Variants in PATJ observed in about 807,000 individuals in gnomAD.
PATJ encodes the protein inaD-like protein.
A neutral mutation model predicts 224.9 loss-of-function variants in PATJ; 190 were observed. That is an observed-to-expected ratio of 0.84 (90% confidence interval 0.75 to 0.95). The LOEUF is 0.95. Among genes scored for constraint, PATJ ranks in the 40% least tolerant of loss-of-function variants. The pLI is 0.00. For synonymous variants in PATJ, 769 were observed against 820.3 expected, an observed-to-expected ratio of 0.94 and a Z score of 1.07; for missense variants, 2,121 against 2,270.3, an observed-to-expected ratio of 0.93 and a Z score of 1.34.
At chr1:61,916,299 C>CAT (rs1553202693) in intron 26 of PATJ, among the ~76,000 whole-genome samples, 8 of 151,752 alleles carry the variant, frequency 5.3e-5, no homozygotes, top group Non-Finnish European at 7.4e-5. Context: ...GTGTCTGCTC[C>CAT]ATATATATAT....
At chr1:62,089,325 C>A (rs981761437) in intron 33 of PATJ, among the ~76,000 whole-genome samples, 6 of 151,084 alleles carry the variant, frequency 4.0e-5, no homozygotes, top group Admixed American at 6.6e-5. Flanking sequence ...TCACTTCCTG[C>A]AAGGAATGTG....
At chr1:62,139,100 T>A (rs1244445924) in intron 41 of PATJ, among the ~76,000 whole-genome samples, 1 of 152,030 alleles carries the variant, frequency 6.6e-6, no homozygotes, top group African/African-American at 2.4e-5. Context: ...TAAGATTTAC[T>A]TTTAAAAAAG....
intron 27 of PATJ, among the ~76,000 whole-genome samples, chr1:61,971,049 A>C (rs988819052): frequency 6.6e-6 from 1 of 152,320 alleles, no homozygotes; most frequent in East Asian, 1.9e-4. Flanking sequence ...AGAGCATGAC[A>C]GTTTTTAAAG....
At chr1:61,916,114 T>C (rs900180298) in intron 26 of PATJ, among the ~76,000 whole-genome samples, 3 of 152,182 alleles carry the variant, frequency 2.0e-5, no homozygotes, top group Non-Finnish European at 4.4e-5. Flanking sequence ...AGACATAAAA[T>C]TGACTTTTAT....
At chr1:61,789,409 C>T (rs1469679269) in intron 8 of PATJ, among the ~76,000 whole-genome samples, 1 of 152,124 alleles carries the variant, frequency 6.6e-6, no homozygotes, top group African/African-American at 2.4e-5. Context: ...TGGAAGGCCA[C>T]TGATTATCAT....
chr1:62,046,069 G>C (rs1652488406), intron 30 of PATJ, among the ~76,000 whole-genome samples: 4 of 152,088 alleles, frequency 2.6e-5, no homozygotes, highest in Non-Finnish European at 2.9e-5. Context: ...AGGCATGGTG[G>C]TGCATGCATG....
At chr1:62,033,869 C>T (rs985101592) in intron 29 of PATJ, among the ~76,000 whole-genome samples, 1 of 152,138 alleles carries the variant, frequency 6.6e-6, no homozygotes, top group Non-Finnish European at 1.5e-5. Flanking sequence ...ACACTACAAG[C>T]TGGAGATACG....
At chr1:61,817,486 A>T (rs778869506) in intron 14 of PATJ, among the ~76,000 whole-genome samples, 1 of 152,148 alleles carries the variant, frequency 6.6e-6, no homozygotes, top group Non-Finnish European at 1.5e-5. Context: ...CAACATGATG[A>T]AACCCCATCT....
chr1:61,845,219 T>A (rs1661743252), intron 17 of PATJ, among the ~76,000 whole-genome samples: 1 of 152,174 alleles, frequency 6.6e-6, no homozygotes, highest in Admixed American at 6.5e-5. Flanking sequence ...AGGCTGTAGG[T>A]CCTGTAATCA....
At chr1:62,090,170 A>G (rs1206637253) in intron 33 of PATJ, among the ~76,000 whole-genome samples, 3 of 152,148 alleles carry the variant, frequency 2.0e-5, no homozygotes, top group Non-Finnish European at 4.4e-5. Context: ...ATGCCGAGGT[A>G]ATGATGAGGG....
intron 28 of PATJ, among the ~76,000 whole-genome samples, chr1:61,997,105 T>C (rs980058496): frequency 1.3e-5 from 2 of 152,190 alleles, no homozygotes; most frequent in Non-Finnish European, 2.9e-5. Context: ...ATTGTAGCTA[T>C]GGTTTCACTA....
At position 61,823,036 on chromosome 1, in the gene PATJ, T is replaced by C. The variant is rs1324184044; in HGVS notation, c.1775T>C (p.Val592Ala). The change falls in exon 15 of 44, where the codon GTT becomes GCT. Residue 592 changes from valine to alanine, a missense_variant. Coordinates refer to ENST00000642238, the MANE Select transcript of PATJ (RefSeq NM_001350145.3). ...YISSIVSGGP[V>A]DTLGLLQPED... Reference sequence around the variant, plus strand: ...TCTTCAATTGTTTCTGGTGGTCCTGTTGATACATTGGGTCTCCTACAGCCA... The same window carrying C: ...TCTTCAATTGTTTCTGGTGGTCCTGCTGATACATTGGGTCTCCTACAGCCA... The C allele has an allele frequency of 6.2e-7, 1 of 1,614,206 alleles. No homozygotes were observed. Among genetic ancestry groups the C allele is most frequent in the Admixed American group, 1.7e-5 (1 of 60,026 alleles).
intron 9 of PATJ, 140 bp from the exon 10 acceptor site, chr1:61,795,327 A>G (rs1650847575): frequency 2.0e-6 from 1 of 488,746 alleles, no homozygotes; most frequent in South Asian, 4.0e-5. Context: ...ATAATCCATC[A>G]ATTTCTCTGC....
chr1:61,965,951 G>A (rs368815776), intron 27 of PATJ, among the ~76,000 whole-genome samples: 35 of 152,006 alleles, frequency 2.3e-4, no homozygotes, highest in African/African-American at 8.5e-4. Flanking sequence ...TCCCAGGCTG[G>A]AGTGCAATGG....
intron 22 of PATJ, among the ~76,000 whole-genome samples, chr1:61,894,971 G>T (rs909940397): frequency 1.3e-5 from 2 of 152,142 alleles, no homozygotes; most frequent in African/African-American, 4.8e-5. Context: ...GGGAAGTGGA[G>T]CAAAGGTCAC....
chr1:61,801,320 C>G (rs904346667), intron 11 of PATJ, among the ~76,000 whole-genome samples: 1 of 152,190 alleles, frequency 6.6e-6, no homozygotes, highest in Admixed American at 6.5e-5. Flanking sequence ...TTGCATTTCT[C>G]TGATGGCCAG....
chr1:62,154,590 G>A (rs1196487627), intron 43 of PATJ, among the ~76,000 whole-genome samples: 1 of 150,934 alleles, frequency 6.6e-6, no homozygotes, highest in Non-Finnish European at 1.5e-5. Context: ...AAATCTGGGA[G>A]GCAGAGGTTG....
intron 17 of PATJ, among the ~76,000 whole-genome samples, chr1:61,852,138 AAAAG>A (rs1398115492): frequency 1.3e-5 from 2 of 151,432 alleles, no homozygotes; most frequent in Non-Finnish European, 2.9e-5. Context: ...AAAAAAAAAA[AAAAG>A]AGGTGTAGGG....
At chr1:62,112,734 C>T (rs1360935427) in intron 34 of PATJ, among the ~76,000 whole-genome samples, 1 of 152,206 alleles carries the variant, frequency 6.6e-6, no homozygotes, top group Admixed American at 6.5e-5. Context: ...GAATCACCAC[C>T]TCTGACTTCT....
Sources: allele counts gnomAD v4.1 joint callset (sites outside exome capture counted in the v4.1 genomes callset), GRCh38; gene constraint gnomAD v4.1.1; transcripts MANE v1.5; gene names NCBI Gene and HGNC (gene_info 2026-07-23, HGNC 2026-07-21).